The following C8orf34 variants were observed in gnomAD, a reference collection of about 807,000 sequenced individuals.
C8orf34 encodes uncharacterized protein C8orf34.
A neutral mutation model predicts 68.3 loss-of-function variants in C8orf34; 65 were observed. The observed-to-expected ratio is 0.95, with a 90% CI of 0.78 to 1.17. The LOEUF (loss-of-function observed/expected upper bound fraction) is 1.17. Ranked by LOEUF, C8orf34 falls within the 50% of genes most tolerant of loss-of-function variation. The pLI is 0.00. For synonymous variants in C8orf34, 244 were observed against 241.2 expected, an observed-to-expected ratio of 1.01 and a Z score of -0.11; for missense variants, 664 against 655.4, an observed-to-expected ratio of 1.01 and a Z score of -0.14.
intron 8 of C8orf34, among the ~76,000 whole-genome samples, chr8:68,704,865 G>C (rs1821119619): frequency 6.7e-6 from 1 of 148,964 alleles, no homozygotes; most frequent in South Asian, 2.1e-4. Context: ...AAGACCTCTT[G>C]CTCTAAAATA....
chr8:68,716,176 G>A (rs1010665250), intron 9 of C8orf34, among the ~76,000 whole-genome samples: 1 of 151,792 alleles, frequency 6.6e-6, no homozygotes, highest in African/African-American at 2.4e-5. Flanking sequence ...AAAGGGTGGG[G>A]GTGGTGAAGG....
chr8:68,425,110 A>G (rs1341198261), intron 1 of C8orf34, among the ~76,000 whole-genome samples: 4 of 152,178 alleles, frequency 2.6e-5, no homozygotes, highest in African/African-American at 9.7e-5. Context: ...CTATCAGTAC[A>G]TTCAAAATAG....
chr8:68,566,022 T>C (rs1308212711), intron 7 of C8orf34, among the ~76,000 whole-genome samples: 1 of 152,240 alleles, frequency 6.6e-6, no homozygotes, highest in Non-Finnish European at 1.5e-5. Flanking sequence ...ATCACAGCAT[T>C]GTTTTTGTAA....
At chr8:68,420,706 A>T (rs552854913) in intron 1 of C8orf34, among the ~76,000 whole-genome samples, 12 of 152,326 alleles carry the variant, frequency 7.9e-5, no homozygotes, top group African/African-American at 2.9e-4. Flanking sequence ...TAAAACTTCA[A>T]CAGATAATTT....
chr8:68,382,471 G>A (rs921790293), intron 1 of C8orf34, among the ~76,000 whole-genome samples: 6 of 152,170 alleles, frequency 3.9e-5, no homozygotes, highest in African/African-American at 7.2e-5. Flanking sequence ...CAAAAGTAAC[G>A]TGTACCTACT....
Position 68,640,525 on chromosome 8 carries a change from T to C in C8orf34, c.1241+14T>C. On this transcript the variant is annotated intron_variant, in intron 8 of 13. Coordinates refer to ENST00000518698, the MANE Select transcript of C8orf34 (RefSeq NM_052958.4). ...AAGGTGTGCCAGGTAAAAGACATAA[T>C]AGGTATAGTATATATAAACATGATC... is the stretch of plus-strand genomic sequence containing the variant. 6.2e-7 allele frequency: 1 copy of C among 1,610,522 alleles called. No individual in the cohort carries two copies. Among genetic ancestry groups the C allele is most frequent in the Non-Finnish European group, 8.5e-7 (1 of 1,177,886 alleles).
chr8:68,562,074 C>T (rs1816448040), intron 7 of C8orf34, among the ~76,000 whole-genome samples: 1 of 152,220 alleles, frequency 6.6e-6, no homozygotes, highest in African/African-American at 2.4e-5. Flanking sequence ...TTCTTATTAT[C>T]TAATATGTAC....
chr8:68,473,145 A>C (rs1028872369), intron 4 of C8orf34, among the ~76,000 whole-genome samples: 25 of 152,158 alleles, frequency 1.6e-4, no homozygotes, highest in Non-Finnish European at 2.4e-4. Flanking sequence ...AGACACAACA[A>C]GAAGTGGGTT....
chr8:68,408,231 C>T (rs186502720), intron 1 of C8orf34, among the ~76,000 whole-genome samples: 1 of 151,502 alleles, frequency 6.6e-6, no homozygotes, highest in East Asian at 1.9e-4. Flanking sequence ...GATGATCTGT[C>T]ACTGTCTCCC....
chr8:68,523,729 C>T (rs1288355036), intron 6 of C8orf34, among the ~76,000 whole-genome samples: 1 of 152,082 alleles, frequency 6.6e-6, no homozygotes, highest in Non-Finnish European at 1.5e-5. Context: ...GCAACTCACA[C>T]CGCATTAGAT....
chr8:68,441,589 C>A (rs2129626071), intron 2 of C8orf34, among the ~76,000 whole-genome samples: 1 of 152,154 alleles, frequency 6.6e-6, no homozygotes, highest in Non-Finnish European at 1.5e-5. Flanking sequence ...ACCGTGAACT[C>A]CTGAGCTCAA....
At chr8:68,472,429 T>C (rs143052147) in intron 4 of C8orf34, among the ~76,000 whole-genome samples, 225 of 152,272 alleles carry the variant, frequency 1.5e-3, no homozygotes, top group African/African-American at 5.3e-3. Flanking sequence ...CAGAGCCATA[T>C]AGAGTAATCC....
At chr8:68,768,708 T>C (rs1823252993) in intron 10 of C8orf34, among the ~76,000 whole-genome samples, 2 of 152,178 alleles carry the variant, frequency 1.3e-5, no homozygotes, top group Admixed American at 1.3e-4. Context: ...CACCATTCTC[T>C]TGCAATTTGT....
chr8:68,801,669 T>A (rs1824330857), intron 12 of C8orf34, among the ~76,000 whole-genome samples: 1 of 152,214 alleles, frequency 6.6e-6, no homozygotes. Context: ...TTGATAGGAT[T>A]AAGTCCACAA....
chr8:68,425,861 A>G (rs1391802827), intron 1 of C8orf34, among the ~76,000 whole-genome samples: 1 of 152,164 alleles, frequency 6.6e-6, no homozygotes, highest in East Asian at 1.9e-4. Flanking sequence ...AACATAATAG[A>G]TATACATACC....
At chr8:68,411,387 G>T (rs750225695) in intron 1 of C8orf34, among the ~76,000 whole-genome samples, 5 of 152,122 alleles carry the variant, frequency 3.3e-5, no homozygotes, top group Non-Finnish European at 7.4e-5. Context: ...AAGCAGATAG[G>T]ATTGTCCATT....
At chr8:68,672,863 TC>T (rs1820057188) in intron 8 of C8orf34, among the ~76,000 whole-genome samples, 1 of 151,980 alleles carries the variant, frequency 6.6e-6, no homozygotes, top group Admixed American at 6.6e-5. Flanking sequence ...GAAAGACACC[TC>T]CCCTCCACTT....
At chr8:68,631,056 G>A (rs1221325729) in intron 7 of C8orf34, among the ~76,000 whole-genome samples, 1 of 151,220 alleles carries the variant, frequency 6.6e-6, no homozygotes, top group Non-Finnish European at 1.5e-5. Flanking sequence ...CTTGAGGTCA[G>A]GAGTTGGAGA....
At chr8:68,467,007 A>G (rs1014855042) in intron 3 of C8orf34, among the ~76,000 whole-genome samples, 2 of 151,830 alleles carry the variant, frequency 1.3e-5, no homozygotes, top group African/African-American at 2.4e-5. Context: ...GTACTATGAG[A>G]TTTCTACCCA....
Sources: allele counts gnomAD v4.1 joint callset (sites outside exome capture counted in the v4.1 genomes callset), GRCh38; gene constraint gnomAD v4.1.1; transcripts MANE v1.5; gene names NCBI Gene and HGNC (gene_info 2026-07-23, HGNC 2026-07-21).